The following ALG12 variants were observed in gnomAD, a reference collection of about 807,000 sequenced individuals.
ALG12 encodes the protein ALG12 alpha-1,6-mannosyltransferase.
Under a neutral mutation model 46.0 loss-of-function variants are expected in ALG12, and 36 were observed. That is an observed-to-expected ratio of 0.78 (90% CI 0.60 to 1.03). The LOEUF is 1.03. Ranked by LOEUF, ALG12 falls within the 50% of genes least tolerant of loss-of-function variation. The probability of loss-of-function intolerance (pLI) is 0.00; values close to 1 mark genes in which losing one functional copy is unlikely to be tolerated. For synonymous variants in ALG12, 326 were observed against 291.6 expected (o/e 1.12, Z -1.20); for missense variants, 599 against 633.5 (o/e 0.95, Z 0.58).
At chr22:49,886,795 G>C in the ALG12 span, 1 of 1,612,858 alleles carries the variant, frequency 6.2e-7, no homozygotes, top group Non-Finnish European at 8.5e-7. The surrounding 1 kb of genome is among the most constrained non-coding windows in gnomAD (Gnocchi z 7.7). Flanking sequence ...GGACGTGGCT[G>C]CCTCCCACAG....
chr22:49,892,898 A>C, the ALG12 span, among the ~76,000 whole-genome samples: 1 of 152,272 alleles, frequency 6.6e-6, no homozygotes, highest in African/African-American at 2.4e-5. Flanking sequence ...ATCATAAGAC[A>C]ATAGAAATAG....
At chr22:49,909,681 A>C (rs1291781549) in intron 5 of ALG12, among the ~76,000 whole-genome samples, 2 of 152,258 alleles carry the variant, frequency 1.3e-5, no homozygotes, top group Non-Finnish European at 2.9e-5. Context: ...CCCAAGGACA[A>C]GGGACAGACC....
chr22:49,902,172 CTGTG>C lies in ALG12; in HGVS notation c.*1662_*1665del, dbSNP rs772646796. ...TATGCATGGTGTGTGCACGTGTGCA[CTGTG>C]TGTGGTGTGTATGCATGGTGTGTGC... On this transcript the variant is annotated 3_prime_UTR_variant, in exon 10 of 10. Coordinates refer to ENST00000330817, the MANE Select transcript of ALG12 (RefSeq NM_024105.4). The C allele has an allele frequency of 3.3e-5, 4 of 122,668 alleles. No homozygotes were observed. In the South Asian group the frequency reaches 7.8e-4, roughly 24 times the overall value. The allele number at this position is 122,668 out of a possible 1,614,324, so 7.6% of individuals were successfully genotyped here.
chr22:49,874,671 C>CTTTTTT, the ALG12 span, among the ~76,000 whole-genome samples: 1 of 17,838 alleles, frequency 5.6e-5, no homozygotes. Flanking sequence ...CCATGCCCAG[C>CTTTTTT]CTTTTTTTTT....
chr22:49,869,354 T>TTATC, the ALG12 span, among the ~76,000 whole-genome samples: 1 of 152,104 alleles, frequency 6.6e-6, no homozygotes, highest in Non-Finnish European at 1.5e-5. Flanking sequence ...ACCCGCGTGG[T>TTATC]GGTTATCCAC....
chr22:49,871,756 T>A, the ALG12 span, among the ~76,000 whole-genome samples: 1 of 46,158 alleles, frequency 2.2e-5, no homozygotes, highest in African/African-American at 4.7e-5. Flanking sequence ...TTTATTTATT[T>A]ATTTTTTTTT....
chr22:49,912,735 C>T (rs558640272), intron 3 of ALG12, among the ~76,000 whole-genome samples: 110 of 152,312 alleles, frequency 7.2e-4, no homozygotes, highest in African/African-American at 2.5e-3. Flanking sequence ...GGCGTGGTGG[C>T]TCATGCCTGT....
At chr22:49,864,999 C>T in the ALG12 span, among the ~76,000 whole-genome samples, 1 of 131,910 alleles carries the variant, frequency 7.6e-6, no homozygotes, top group African/African-American at 2.8e-5. Flanking sequence ...GTGTTTCTCC[C>T]CTGCAAACCC....
rs2060526386 is a variant in ALG12, at chr22:49,903,637, C to T, written c.*201G>A. On this transcript the variant is annotated 3_prime_UTR_variant, in exon 10 of 10. Transcript: ENST00000330817. The stretch of plus-strand genomic sequence containing the variant: ...TCCCGGGGTGCCAACAAGACCTGGG[C>T]CCCTCGTTCTTTGGTGCTGAGAGCC... The T allele has an allele frequency of 4.1e-6, 3 of 725,918 alleles. No individual in the cohort carries two copies. The highest frequency in any genetic ancestry group is 7.4e-6 in the Non-Finnish European group (3 of 408,070). The allele number at this position is 725,918 out of a possible 1,614,324, so 45.0% of individuals were successfully genotyped here.
At chr22:49,878,607 C>A in the ALG12 span, among the ~76,000 whole-genome samples, 3 of 152,212 alleles carry the variant, frequency 2.0e-5, no homozygotes, top group East Asian at 5.8e-4. Flanking sequence ...CTTAAAACTT[C>A]TAAAAGACAA....
At chr22:49,892,054 G>C in the ALG12 span, among the ~76,000 whole-genome samples, 2 of 152,136 alleles carry the variant, frequency 1.3e-5, no homozygotes, top group East Asian at 1.9e-4. Flanking sequence ...TGGGTGTGGT[G>C]GTGGGCGTCT....
chr22:49,903,797 T>G lies in ALG12; in HGVS notation c.*41A>C. ...GCCAGAAACTGGTAGTGATAACAGC[T>G]CCTGGAAGGCCTGTGGCTGCTGAGG... On this transcript the variant is annotated 3_prime_UTR_variant, in exon 10 of 10. Coordinates refer to ENST00000330817, the MANE Select transcript of ALG12 (RefSeq NM_024105.4). 6.3e-7 allele frequency: 1 copy of G among 1,599,626 alleles called. No homozygotes were observed. The highest frequency in any genetic ancestry group is 8.6e-7 in the Non-Finnish European group (1 of 1,167,034).
chr22:49,892,338 G>C, the ALG12 span, among the ~76,000 whole-genome samples: 2 of 152,134 alleles, frequency 1.3e-5, no homozygotes, highest in East Asian at 3.8e-4. Context: ...ATTTGCTGGT[G>C]TCCTGCCCTA....
At chr22:49,859,379 G>C in the ALG12 span, among the ~76,000 whole-genome samples, 1 of 152,000 alleles carries the variant, frequency 6.6e-6, no homozygotes, top group South Asian at 2.1e-4. Flanking sequence ...CTTTTGTTTT[G>C]TGATGCTCAA....
intron 6 of ALG12, among the ~76,000 whole-genome samples, chr22:49,908,570 C>T (rs1362933555): frequency 7.0e-6 from 1 of 142,846 alleles, no homozygotes; most frequent in Non-Finnish European, 1.5e-5. Context: ...AACAGACGGT[C>T]ACGGGTGACA....
chr22:49,882,804 G>T, the ALG12 span, among the ~76,000 whole-genome samples: 3 of 152,232 alleles, frequency 2.0e-5, no homozygotes, highest in Non-Finnish European at 4.4e-5. Flanking sequence ...GCTGGAAGCG[G>T]TTTTCACCCA....
At chr22:49,883,652 TA>T in the ALG12 span, 1 of 1,546,476 alleles carries the variant, frequency 6.5e-7, no homozygotes, top group Non-Finnish European at 8.8e-7. Context: ...CCGGAGTAGT[TA>T]TGGTCAGTCA....
In ALG12 at chr22:49,904,401, G is replaced by A. The variant is rs1569173277; in HGVS notation, c.1098C>T (p.Ser366=). Residue 366 remains serine (S), a synonymous_variant, in exon 8 of 10, where the codon TCC becomes TCT. Coordinates refer to ENST00000330817, the MANE Select transcript of ALG12 (RefSeq NM_024105.4). The part of the protein sequence containing the change: ...AAYSATALYV[S]HFNYPGGVAM... ...CGACGCCACCTGGGTAGTTGAAATG[G>A]GACACATACAGGGCCGTGGCTGAGT... is the stretch of plus-strand genomic sequence containing the variant. 1 of 1,614,170 alleles carries A rather than the reference G, an allele frequency of 6.2e-7. No homozygotes were observed. Among genetic ancestry groups the A allele is most frequent in the Non-Finnish European group, 8.5e-7 (1 of 1,180,022 alleles).
the ALG12 span, chr22:49,887,693 C>T: frequency 1.8e-4 from 30 of 168,598 alleles, no homozygotes; most frequent in Non-Finnish European, 3.6e-4. Context: ...TCTAAAGTGT[C>T]CCGCGGAGTA....
Sources: allele counts gnomAD v4.1 joint callset (sites outside exome capture counted in the v4.1 genomes callset), GRCh38; gene constraint gnomAD v4.1.1; non-coding constraint Gnocchi (gnomAD v3.1); transcripts MANE v1.5; gene names NCBI Gene and HGNC (gene_info 2026-07-23, HGNC 2026-07-21).